Variants in CACNA1H observed in about 807,000 individuals in gnomAD.
CACNA1H encodes the protein voltage-dependent T-type calcium channel subunit alpha-1H.
A neutral mutation model predicts 192.5 loss-of-function variants in CACNA1H; 149 were observed. The observed-to-expected ratio is 0.77, with a 90% CI of 0.68 to 0.89. CACNA1H has a LOEUF of 0.89. Ranked by LOEUF, CACNA1H falls within the 40% of genes least tolerant of loss-of-function variation. The pLI is 0.00. For missense variants in CACNA1H, 4,257 were observed against 3,423.5 expected, an observed-to-expected ratio of 1.24 and a Z score of -6.08; for synonymous variants, 2,202 against 1,475.2, an observed-to-expected ratio of 1.49 and a Z score of -11.29.
At chr16:1,190,136 C>T (rs1966468891) in intron 2 of CACNA1H, among the ~76,000 whole-genome samples, 1 of 152,244 alleles carries the variant, frequency 6.6e-6, no homozygotes, top group Non-Finnish European at 1.5e-5. Flanking sequence ...CTCACTGCGC[C>T]ACTGCCCGGC....
At chr16:1,218,841 G>A (rs1567556179) in intron 33 of CACNA1H, 129 bp from the exon 34 acceptor site, 11 of 1,170,046 alleles carry the variant, frequency 9.4e-6, no homozygotes, top group African/African-American at 1.5e-5. Flanking sequence ...GCAGGTGAGA[G>A]AGAGGACGGG....
At chr16:1,197,820 C>T (rs996151018) in intron 5 of CACNA1H, among the ~76,000 whole-genome samples, 1 of 152,170 alleles carries the variant, frequency 6.6e-6, no homozygotes, top group South Asian at 2.1e-4. Context: ...CTGCCTTAGC[C>T]TGGCCCTTGA....
At position 1,220,635 on chromosome 16, in the gene CACNA1H, A is replaced by G. The variant is rs748809560; in HGVS notation, c.6703A>G (p.Thr2235Ala). ...ATPHRDSLEP[T>A]EGSGAGGDPA... ...GCCTCACAGGGACTCCCTGGAGCCC[A>G]CAGAGGGCTCAGGCGCCGGGGGGGA... The change falls in exon 35 of 35, where the codon ACA (threonine) becomes GCA (alanine). Residue 2235 changes from threonine to alanine, a missense_variant. Transcript: ENST00000348261. The G allele has an allele frequency of 1.2e-6, 2 of 1,601,010 alleles. No individual in the cohort carries two copies. Among genetic ancestry groups the G allele is most frequent in the Non-Finnish European group, 1.7e-6 (2 of 1,174,450 alleles).
intron 2 of CACNA1H, among the ~76,000 whole-genome samples, chr16:1,177,651 AG>A (rs1209440862): frequency 6.6e-6 from 1 of 151,862 alleles, no homozygotes. Flanking sequence ...GGCCGGGGAC[AG>A]AGGGAGTGTG....
intron 18 of CACNA1H, 101 bp from the exon 19 acceptor site, chr16:1,210,269 G>T (rs547195635): frequency 8.0e-7 from 1 of 1,256,626 alleles, no homozygotes; most frequent in East Asian, 2.5e-5. Context: ...CGCAGGGACC[G>T]GGGCTGAAGT....
chr16:1,193,210 C>T (rs757381731), intron 2 of CACNA1H, among the ~76,000 whole-genome samples: 1 of 151,214 alleles, frequency 6.6e-6, no homozygotes, highest in African/African-American at 2.4e-5. Flanking sequence ...AATGATGGCC[C>T]TCAGAGATGC....
chr16:1,155,058 G>T (rs1962132260), intron 2 of CACNA1H, among the ~76,000 whole-genome samples: 1 of 152,256 alleles, frequency 6.6e-6, no homozygotes, highest in Non-Finnish European at 1.5e-5. Context: ...GGCAGCAGGA[G>T]CGGCCTGTGT....
chr16:1,173,070 C>T (rs1381091880), intron 2 of CACNA1H, among the ~76,000 whole-genome samples: 4 of 152,044 alleles, frequency 2.6e-5, no homozygotes, highest in African/African-American at 9.7e-5. Flanking sequence ...GGCCATGGGC[C>T]TGGGGAGCTG....
intron 2 of CACNA1H, among the ~76,000 whole-genome samples, chr16:1,181,838 C>T (rs1965500205): frequency 6.6e-6 from 1 of 152,274 alleles, no homozygotes; most frequent in South Asian, 2.1e-4. Flanking sequence ...CCCATGCACA[C>T]AGCTACACAC....
Position 1,210,579 on chromosome 16 carries a change from G to A in CACNA1H, c.3970-4G>A, listed in dbSNP as rs1275830778. The stretch of plus-strand genomic sequence containing the variant: ...CACAGCCCCCCACCGTCCTCTCCCG[G>A]CAGGAGCGGGTCTTCCTCAGCGTCT... On this transcript the variant is annotated splice_region_variant and splice_polypyrimidine_tract_variant and intron_variant, in intron 19 of 34. Coordinates refer to ENST00000348261, the MANE Select transcript of CACNA1H (RefSeq NM_021098.3). 1 of 1,609,230 alleles carries A rather than the reference G, an allele frequency of 6.2e-7. No individual in the cohort carries two copies. Among genetic ancestry groups the A allele is most frequent in the Admixed American group, 1.7e-5 (1 of 59,990 alleles).
At chr16:1,211,631 C>CT (rs780913240) in intron 23 of CACNA1H, 25 bp downstream of exon 23, 21 of 1,609,306 alleles carry the variant, frequency 1.3e-5, no homozygotes, top group Non-Finnish European at 2.5e-6. Flanking sequence ...CGGGCGGGAG[C>CT]TGGGGGTCTC....
At chr16:1,165,412 G>A (rs1204437366) in intron 2 of CACNA1H, among the ~76,000 whole-genome samples, 6 of 152,182 alleles carry the variant, frequency 3.9e-5, no homozygotes, top group East Asian at 1.9e-4. Context: ...CTAACCTTCC[G>A]TGGAAATCTG....
At chr16:1,153,518 G>T in intron 1 of CACNA1H, 48 bp downstream of exon 1, 1 of 289,986 alleles carries the variant, frequency 3.4e-6, no homozygotes. Flanking sequence ...CAACTTGCGC[G>T]AAGCGGGCCG....
At position 1,220,519 on chromosome 16, in the gene CACNA1H, C is replaced by T; in HGVS notation, c.6587C>T (p.Pro2196Leu). ...KMSPPCISVE[P>L]PAEDEGSARP... ...AGCCCCCCCTGCATCTCGGTGGAAC[C>T]CCCTGCGGAGGACGAGGGCTCTGCG... The change falls in exon 35 of 35, where the codon CCC (proline) becomes CTC (leucine). Residue 2196 changes from proline (P) to leucine (L), a missense_variant. Transcript: ENST00000348261. 1 of 1,538,078 alleles carries T rather than the reference C, an allele frequency of 6.5e-7. No homozygotes were observed.
intron 5 of CACNA1H, among the ~76,000 whole-genome samples, chr16:1,196,327 G>T (rs1196865541): frequency 6.6e-6 from 1 of 152,272 alleles, no homozygotes. Flanking sequence ...GGCATCTGGG[G>T]CAAGGCTGGA....
intron 34 of CACNA1H, 132 bp from the exon 35 acceptor site, chr16:1,219,849 G>T: frequency 1.7e-6 from 1 of 599,098 alleles, no homozygotes. Flanking sequence ...CATCTCGAGG[G>T]TCAGGAGCCA....
chr16:1,157,422 G>A (rs1386585309), intron 2 of CACNA1H, among the ~76,000 whole-genome samples: 3 of 152,254 alleles, frequency 2.0e-5, no homozygotes, highest in East Asian at 3.8e-4. Flanking sequence ...GTGTTTGGCA[G>A]AGCGCTGCCT....
chr16:1,188,845 TC>T (rs1011759983), intron 2 of CACNA1H, among the ~76,000 whole-genome samples: 7 of 152,082 alleles, frequency 4.6e-5, no homozygotes, highest in Non-Finnish European at 1.0e-4. Flanking sequence ...CCCTGGTACA[TC>T]CAGGACAGGC....
At chr16:1,187,130 T>C (rs1966150514) in intron 2 of CACNA1H, among the ~76,000 whole-genome samples, 1 of 152,238 alleles carries the variant, frequency 6.6e-6, no homozygotes, top group Non-Finnish European at 1.5e-5. Flanking sequence ...GCTTCCCCGG[T>C]GAATACACAT....
Sources: gnomAD v4.1 joint callset for allele counts (sites outside exome capture counted in the v4.1 genomes callset) on GRCh38, gnomAD v4.1.1 for gene constraint, MANE v1.5 for transcripts, NCBI Gene and HGNC (gene_info 2026-07-23, HGNC 2026-07-21) for gene names.